The following SRBD1 variants were observed in gnomAD, a reference collection of about 807,000 sequenced individuals.
SRBD1 encodes S1 RNA-binding domain-containing protein 1.
Under a neutral mutation model 115.3 loss-of-function variants are expected in SRBD1, and 88 were observed. The ratio of observed to expected loss-of-function variants is 0.76; its 90% CI spans 0.64 to 0.91. The LOEUF is 0.91. Ranked by LOEUF, SRBD1 falls within the 40% of genes least tolerant of loss-of-function variation. The probability of loss-of-function intolerance (pLI) is 0.00; values close to 1 mark genes in which losing one functional copy is unlikely to be tolerated. For synonymous variants in SRBD1, 509 were observed against 407.7 expected (o/e 1.25, Z -2.99); for missense variants, 1,385 against 1,177.4 (o/e 1.18, Z -2.58).
chr2:45,402,036 A>G (rs561934250), intron 19 of SRBD1, among the ~76,000 whole-genome samples: 17 of 152,180 alleles, frequency 1.1e-4, no homozygotes, highest in African/African-American at 2.9e-4. Flanking sequence ...AGATATGCCC[A>G]CTCATTAAGG....
chr2:45,466,281 C>A (rs147927643), intron 16 of SRBD1, among the ~76,000 whole-genome samples: 1 of 152,168 alleles, frequency 6.6e-6, no homozygotes, highest in African/African-American at 2.4e-5. Flanking sequence ...CACCTACTAC[C>A]CCACAGGAGT....
chr2:45,395,218 C>A (rs1391610407), intron 19 of SRBD1, among the ~76,000 whole-genome samples: 2 of 152,168 alleles, frequency 1.3e-5, no homozygotes, highest in Non-Finnish European at 2.9e-5. Flanking sequence ...TGGCTTCTAA[C>A]CATCTGTTAA....
intron 3 of SRBD1, 98 bp from the exon 4 acceptor site, chr2:45,599,933 C>T (rs1674040325): frequency 7.6e-7 from 1 of 1,313,878 alleles, no homozygotes; most frequent in Non-Finnish European, 1.0e-6. Flanking sequence ...TATTGATACA[C>T]ACAATAACTT....
At chr2:45,608,149 C>G (rs1674330330) in intron 1 of SRBD1, among the ~76,000 whole-genome samples, 1 of 152,174 alleles carries the variant, frequency 6.6e-6, no homozygotes, top group South Asian at 2.1e-4. Context: ...CCTTGGCAGG[C>G]TTATGTTTTT....
At chr2:45,476,116 T>C (rs1669796419) in intron 16 of SRBD1, among the ~76,000 whole-genome samples, 1 of 152,238 alleles carries the variant, frequency 6.6e-6, no homozygotes, top group Admixed American at 6.5e-5. Context: ...TTAGTCCAAC[T>C]TGCTATAAAA....
At chr2:45,465,194 T>C (rs967157004) in intron 16 of SRBD1, among the ~76,000 whole-genome samples, 5 of 152,134 alleles carry the variant, frequency 3.3e-5, no homozygotes, top group African/African-American at 1.2e-4. Context: ...AAATCATCTC[T>C]AGATTACTTA....
intron 14 of SRBD1, among the ~76,000 whole-genome samples, chr2:45,509,528 G>A (rs1170849979): frequency 1.4e-5 from 2 of 138,350 alleles, no homozygotes; most frequent in African/African-American, 2.6e-5. Flanking sequence ...CCCAGGAGGC[G>A]GAGCTGGCAG....
At chr2:45,495,243 C>T (rs1041128064) in intron 14 of SRBD1, among the ~76,000 whole-genome samples, 2 of 152,290 alleles carry the variant, frequency 1.3e-5, no homozygotes, top group East Asian at 3.9e-4. Context: ...AACTAAAAAG[C>T]AGAGCTTTAA....
intron 16 of SRBD1, among the ~76,000 whole-genome samples, chr2:45,462,648 C>T (rs555533290): frequency 1.4e-5 from 2 of 145,872 alleles, no homozygotes; most frequent in African/African-American, 5.1e-5. Context: ...CCCGTCTGTA[C>T]TAAAAAAAAA....
chr2:45,452,316 C>T (rs1321353829), intron 16 of SRBD1, among the ~76,000 whole-genome samples: 1 of 151,854 alleles, frequency 6.6e-6, no homozygotes, highest in Non-Finnish European at 1.5e-5. Context: ...ATTTCTAAGC[C>T]AAATTGTGAT....
chr2:45,493,045 C>G (rs939793579), intron 14 of SRBD1, among the ~76,000 whole-genome samples: 1 of 152,214 alleles, frequency 6.6e-6, no homozygotes, highest in African/African-American at 2.4e-5. Flanking sequence ...TCTTCAGGCT[C>G]TACAAATATC....
chr2:45,534,888 A>G (rs1050010720), intron 14 of SRBD1, among the ~76,000 whole-genome samples: 3 of 151,944 alleles, frequency 2.0e-5, no homozygotes, highest in Non-Finnish European at 4.4e-5. Context: ...AGGACAGGGG[A>G]GATCTGCTGC....
chr2:45,583,010 AGTTC>A (rs1673413265), intron 5 of SRBD1, among the ~76,000 whole-genome samples: 2 of 152,206 alleles, frequency 1.3e-5, no homozygotes, highest in Non-Finnish European at 1.5e-5. Flanking sequence ...TGGGCACAGT[AGTTC>A]CCCCACTTTA....
chr2:45,610,199 G>A (rs1005847785), intron 1 of SRBD1, among the ~76,000 whole-genome samples: 1 of 152,154 alleles, frequency 6.6e-6, no homozygotes, highest in African/African-American at 2.4e-5. Context: ...TAAGGGAAGA[G>A]CCACTAAACT....
chr2:45,532,171 G>C (rs201348840), intron 14 of SRBD1, among the ~76,000 whole-genome samples: 4 of 120,128 alleles, frequency 3.3e-5, no homozygotes, highest in African/African-American at 8.1e-5. Flanking sequence ...ACCACCATCA[G>C]CACCATCAGC....
intron 14 of SRBD1, among the ~76,000 whole-genome samples, chr2:45,538,909 C>T (rs115276529): frequency 6.2e-4 from 94 of 151,828 alleles, no homozygotes; most frequent in Non-Finnish European, 1.1e-3. Flanking sequence ...CTTAAGCATC[C>T]TTTAAAAAAA....
intron 20 of SRBD1, among the ~76,000 whole-genome samples, chr2:45,392,387 G>T (rs1281383821): frequency 6.6e-6 from 1 of 152,142 alleles, no homozygotes; most frequent in Non-Finnish European, 1.5e-5. Context: ...CTTTTTCACT[G>T]GGTCACTGCT....
intron 14 of SRBD1, among the ~76,000 whole-genome samples, chr2:45,536,438 T>G (rs1490487970): frequency 6.6e-6 from 1 of 152,090 alleles, no homozygotes; most frequent in Non-Finnish European, 1.5e-5. Context: ...TTATTTGTGT[T>G]TTTCTCTACT....
chr2:45,439,744 CTG>C (rs1241723857), intron 16 of SRBD1, among the ~76,000 whole-genome samples: 4 of 151,606 alleles, frequency 2.6e-5, no homozygotes, highest in Non-Finnish European at 5.9e-5. Flanking sequence ...TCTATAAAGA[CTG>C]TATCACTTAA....
Sources: gnomAD v4.1 joint callset for allele counts (sites outside exome capture counted in the v4.1 genomes callset) on GRCh38, gnomAD v4.1.1 for gene constraint, MANE v1.5 for transcripts, NCBI Gene and HGNC (gene_info 2026-07-23, HGNC 2026-07-21) for gene names.